SLC35D4: variants seen among roughly 807,000 people sequenced by gnomAD.
SLC35D4 encodes the protein solute carrier family 35 member D4.
At chr18:23,248,271 C>G in the SLC35D4 span, among the ~76,000 whole-genome samples, 2 of 152,170 alleles carry the variant, frequency 1.3e-5, no homozygotes, top group African/African-American at 2.4e-5. Context: ...CTTTCTCTGT[C>G]CCCGCCTTCA....
the SLC35D4 span, chr18:23,385,155 G>T: frequency 2.2e-6 from 3 of 1,336,766 alleles, no homozygotes; most frequent in Admixed American, 2.1e-5. Context: ...AAAATAAAGA[G>T]CTGTGGAAAC....
At chr18:23,284,351 A>G in the SLC35D4 span, among the ~76,000 whole-genome samples, 2 of 152,106 alleles carry the variant, frequency 1.3e-5, no homozygotes, top group Non-Finnish European at 2.9e-5. Flanking sequence ...TCTACATAAC[A>G]AGAATCTGGA....
chr18:23,240,359 T>A, the SLC35D4 span, among the ~76,000 whole-genome samples: 5 of 151,914 alleles, frequency 3.3e-5, no homozygotes, highest in Non-Finnish European at 7.4e-5. Flanking sequence ...CCCTTCCCCC[T>A]ACACACACAC....
At chr18:23,384,895 G>A in the SLC35D4 span, 5 of 1,072,658 alleles carry the variant, frequency 4.7e-6, no homozygotes, top group East Asian at 7.6e-5. Context: ...TTGGTGGCAG[G>A]AAGAGGCAGA....
the SLC35D4 span, among the ~76,000 whole-genome samples, chr18:23,358,371 C>G: frequency 6.6e-6 from 1 of 152,032 alleles, no homozygotes; most frequent in East Asian, 1.9e-4. Context: ...GCAGCTTTTA[C>G]AGCCCAGCCC....
chr18:23,340,156 T>C, the SLC35D4 span, among the ~76,000 whole-genome samples: 1 of 152,012 alleles, frequency 6.6e-6, no homozygotes, highest in African/African-American at 2.4e-5. Flanking sequence ...TTGGGCAACA[T>C]AACAAGATCT....
chr18:23,247,174 C>G, the SLC35D4 span, among the ~76,000 whole-genome samples: 1 of 152,270 alleles, frequency 6.6e-6, no homozygotes, highest in Admixed American at 6.5e-5. Flanking sequence ...AGGATGCCAT[C>G]TCTTGGCATG....
At chr18:23,250,827 T>A in the SLC35D4 span, among the ~76,000 whole-genome samples, 54 of 152,340 alleles carry the variant, frequency 3.5e-4, 1 homozygote, top group South Asian at 0.011. Context: ...GTTCGAAAAC[T>A]CTGAACAGGT....
At chr18:23,323,998 A>G in the SLC35D4 span, among the ~76,000 whole-genome samples, 4 of 151,444 alleles carry the variant, frequency 2.6e-5, no homozygotes, top group Admixed American at 2.6e-4. Context: ...CAGGAGAATC[A>G]CTTGAACCCA....
chr18:23,370,611 A>G, the SLC35D4 span, among the ~76,000 whole-genome samples: 2 of 152,188 alleles, frequency 1.3e-5, no homozygotes, highest in Non-Finnish European at 2.9e-5. Flanking sequence ...ATTTCTGAAC[A>G]TTTCTGAGCT....
At chr18:23,399,496 G>A in the SLC35D4 span, 1 of 1,358,442 alleles carries the variant, frequency 7.4e-7, no homozygotes, top group Non-Finnish European at 1.0e-6. Flanking sequence ...ATTGAGCTGA[G>A]GCATGATAAG....
chr18:23,345,527 G>C, the SLC35D4 span, among the ~76,000 whole-genome samples: 8 of 142,592 alleles, frequency 5.6e-5, no homozygotes, highest in East Asian at 1.7e-3. Flanking sequence ...TCCTCATTGT[G>C]ATTGGCACCT....
At chr18:23,381,691 G>A in the SLC35D4 span, among the ~76,000 whole-genome samples, 1 of 152,158 alleles carries the variant, frequency 6.6e-6, no homozygotes, top group Admixed American at 6.5e-5. Context: ...AACACTTATG[G>A]TGTTCATTCA....
At chr18:23,290,216 A>G in the SLC35D4 span, among the ~76,000 whole-genome samples, 1 of 152,196 alleles carries the variant, frequency 6.6e-6, no homozygotes, top group East Asian at 1.9e-4. Flanking sequence ...CCCTGAAATT[A>G]ACCATGGGGT....
the SLC35D4 span, among the ~76,000 whole-genome samples, chr18:23,285,722 G>T: frequency 1.3e-5 from 2 of 151,808 alleles, no homozygotes; most frequent in South Asian, 4.2e-4. Context: ...CCCAGGCTAA[G>T]TCCCAATTCT....
At chr18:23,361,548 C>A in the SLC35D4 span, among the ~76,000 whole-genome samples, 1 of 152,142 alleles carries the variant, frequency 6.6e-6, no homozygotes, top group African/African-American at 2.4e-5. Context: ...CTGTACCTGG[C>A]CTCTGCAATG....
At chr18:23,293,363 A>G in the SLC35D4 span, among the ~76,000 whole-genome samples, 1 of 152,388 alleles carries the variant, frequency 6.6e-6, no homozygotes, top group South Asian at 2.1e-4. Context: ...AAAGGGAAAC[A>G]GGAGAAAGTA....
chr18:23,420,498 CA>C, the SLC35D4 span, among the ~76,000 whole-genome samples: 1 of 151,756 alleles, frequency 6.6e-6, no homozygotes, highest in Non-Finnish European at 1.5e-5. Context: ...CTCAGTCTCC[CA>C]AGTAGCAGGA....
chr18:23,305,074 A>G, the SLC35D4 span, among the ~76,000 whole-genome samples: 1 of 152,236 alleles, frequency 6.6e-6, no homozygotes, highest in South Asian at 2.1e-4. Context: ...CAGTCACTCA[A>G]TAAAGATGTT....
Sources: gnomAD v4.1 joint callset for allele counts (sites outside exome capture counted in the v4.1 genomes callset) on GRCh38, gnomAD v4.1.1 for gene constraint, MANE v1.5 for transcripts, NCBI Gene and HGNC (gene_info 2026-07-23, HGNC 2026-07-21) for gene names.